Variants in DHRSX observed in about 807,000 individuals in gnomAD.
DHRSX encodes polyprenol dehydrogenase.
Under a neutral mutation model 34.0 loss-of-function variants are expected in DHRSX, and 31 were observed. The observed-to-expected ratio is 0.91, with a 90% CI of 0.69 to 1.23. DHRSX has a LOEUF of 1.23. Among genes scored for constraint, DHRSX ranks in the 50% most tolerant of loss-of-function variants. DHRSX has a pLI of 0.00. For synonymous variants in DHRSX, 201 were observed against 183.8 expected, an observed-to-expected ratio of 1.09 and a Z score of -0.76; for missense variants, 414 against 428.1, an observed-to-expected ratio of 0.97 and a Z score of 0.29.
At chrX:2,327,244 A>C (rs1446454173) in intron 3 of DHRSX, among the ~76,000 whole-genome samples, 1 of 152,236 alleles carries the variant, frequency 6.6e-6, no homozygotes, top group African/African-American at 2.4e-5. Flanking sequence ...TCAGTGAAGA[A>C]GAGTCTCCCT....
intron 5 of DHRSX, among the ~76,000 whole-genome samples, chrX:2,246,416 G>A (rs1394617055): frequency 1.3e-5 from 2 of 152,068 alleles, no homozygotes; most frequent in South Asian, 2.1e-4. Context: ...CAGGTCATGA[G>A]TTTGAGACCA....
intron 3 of DHRSX, among the ~76,000 whole-genome samples, chrX:2,360,091 T>C (rs2042909583): frequency 6.6e-6 from 1 of 151,980 alleles, no homozygotes; most frequent in Non-Finnish European, 1.5e-5. Flanking sequence ...ATTATGGAAG[T>C]TTGAACTATA....
chrX:2,377,000 A>T (rs2043148035), intron 3 of DHRSX, among the ~76,000 whole-genome samples: 1 of 152,078 alleles, frequency 6.6e-6, no homozygotes, highest in East Asian at 1.9e-4. Context: ...TATCTCAAAA[A>T]AAAAAAAGGA....
rs189458071 is a variant in DHRSX at position 2,293,054 on chromosome X, A to T, written c.287-1451T>A. 1.9e-3 allele frequency among the ~76,000 whole-genome samples: 284 copies of T among 152,290 alleles called. 1 individual carries two copies. Among genetic ancestry groups the T allele is most frequent in the African/African-American group, 6.5e-3 (272 of 41,558 alleles). On this transcript the variant is annotated intron_variant, in intron 3 of 6. Coordinates refer to ENST00000334651, the MANE Select transcript of DHRSX (RefSeq NM_145177.3). ...CCACATCAGCCTCCCAAAGTGTTGG[A>T]TTACAGGCGTGAGCAGCTGTGTCCA...
intron 3 of DHRSX, among the ~76,000 whole-genome samples, chrX:2,317,805 A>C (rs2042258802): frequency 6.6e-6 from 1 of 152,160 alleles, no homozygotes; most frequent in Non-Finnish European, 1.5e-5. Flanking sequence ...GTCAACATAC[A>C]GAAGAGGAAG....
At chrX:2,366,473 T>C (rs2042995649) in intron 3 of DHRSX, among the ~76,000 whole-genome samples, 1 of 150,192 alleles carries the variant, frequency 6.7e-6, no homozygotes, top group Non-Finnish European at 1.5e-5. Context: ...AAAAAGAAAA[T>C]AGTTCAGGTA....
At chrX:2,332,386 G>A (rs1320753999) in intron 3 of DHRSX, among the ~76,000 whole-genome samples, 2 of 152,138 alleles carry the variant, frequency 1.3e-5, no homozygotes, top group Admixed American at 1.3e-4. Context: ...TGTGTGCAGT[G>A]ATATTTTCAC....
At chrX:2,232,203 A>T (rs988986771) in intron 6 of DHRSX, among the ~76,000 whole-genome samples, 1 of 151,458 alleles carries the variant, frequency 6.6e-6, no homozygotes, top group Non-Finnish European at 1.5e-5. Context: ...GCTTTTCCTA[A>T]AAAAAAACTA....
At chrX:2,405,320 C>A (rs1260981309) in intron 3 of DHRSX, among the ~76,000 whole-genome samples, 1 of 151,744 alleles carries the variant, frequency 6.6e-6, no homozygotes, top group Admixed American at 6.6e-5. Flanking sequence ...AACCCCGTCT[C>A]TACTAAAAAT....
At chrX:2,452,471 A>T (rs2044237164) in intron 1 of DHRSX, among the ~76,000 whole-genome samples, 2 of 151,884 alleles carry the variant, frequency 1.3e-5, no homozygotes, top group Non-Finnish European at 2.9e-5. Context: ...CGCCATGTAC[A>T]CACTGAAGAC....
At chrX:2,448,416 TA>T (rs1380890969) in intron 1 of DHRSX, among the ~76,000 whole-genome samples, 5 of 152,146 alleles carry the variant, frequency 3.3e-5, no homozygotes, top group Non-Finnish European at 5.9e-5. Flanking sequence ...ACAGTGATCA[TA>T]GTTAATAATA....
At chrX:2,366,728 G>C (rs2042998078) in intron 3 of DHRSX, among the ~76,000 whole-genome samples, 1 of 151,838 alleles carries the variant, frequency 6.6e-6, no homozygotes, top group South Asian at 2.1e-4. Context: ...ATCTTGAGAG[G>C]GAGACCAGAA....
intron 4 of DHRSX, among the ~76,000 whole-genome samples, chrX:2,275,031 C>A (rs1333179218): frequency 6.6e-6 from 1 of 151,984 alleles, no homozygotes; most frequent in African/African-American, 2.4e-5. Context: ...TGACGGAAGT[C>A]CGAAATGCAG....
chrX:2,269,142 A>C (rs1569482166), intron 4 of DHRSX, among the ~76,000 whole-genome samples: 3 of 152,250 alleles, frequency 2.0e-5, no homozygotes, highest in African/African-American at 7.2e-5. Context: ...ATATGGAGCT[A>C]TCTATACATA....
intron 4 of DHRSX, among the ~76,000 whole-genome samples, chrX:2,282,958 C>G (rs1355605261): frequency 1.4e-5 from 2 of 147,444 alleles, no homozygotes; most frequent in South Asian, 2.1e-4. Flanking sequence ...GAGAGAGAGA[C>G]AGAGAGAAAA....
At chrX:2,467,892 C>T (rs2044520984) in intron 1 of DHRSX, among the ~76,000 whole-genome samples, 1 of 148,418 alleles carries the variant, frequency 6.7e-6, no homozygotes, top group South Asian at 2.1e-4. Flanking sequence ...ACCCAGGAGG[C>T]GGGGAGGTTG....
At chrX:2,360,547 C>T (rs757476951) in intron 3 of DHRSX, among the ~76,000 whole-genome samples, 1 of 152,222 alleles carries the variant, frequency 6.6e-6, no homozygotes, top group African/African-American at 2.4e-5. Flanking sequence ...CGCGCCACTG[C>T]ACTCCAGCCT....
At chrX:2,232,642 G>C (rs1454100979) in intron 6 of DHRSX, among the ~76,000 whole-genome samples, 1 of 151,726 alleles carries the variant, frequency 6.6e-6, no homozygotes, top group East Asian at 1.9e-4. Context: ...GCATGATCTT[G>C]GCTCACTGCA....
At chrX:2,316,956 G>A (rs776428912) in intron 3 of DHRSX, among the ~76,000 whole-genome samples, 13 of 152,126 alleles carry the variant, frequency 8.5e-5, no homozygotes, top group African/African-American at 2.4e-4. Flanking sequence ...CCTGTGCTCC[G>A]TGCTTTTTCT....
Sources: allele counts gnomAD v4.1 joint callset (sites outside exome capture counted in the v4.1 genomes callset), GRCh38; gene constraint gnomAD v4.1.1; transcripts MANE v1.5; gene names NCBI Gene and HGNC (gene_info 2026-07-23, HGNC 2026-07-21).